FAM167A: variants seen among roughly 807,000 people sequenced by gnomAD.
The protein encoded by FAM167A is protein FAM167A.
In FAM167A, 23 loss-of-function variants were observed where a neutral mutation model predicts 14.9. The observed-to-expected ratio is 1.55, with a 90% confidence interval of 1.11 to 2.19. FAM167A has a LOEUF of 2.19. Ranked by LOEUF, FAM167A falls within the 30% of genes most tolerant of loss-of-function variation. FAM167A has a pLI of 0.00. For missense variants in FAM167A, 401 were observed against 281.5 expected, an observed-to-expected ratio of 1.42 and a Z score of -3.04; for synonymous variants, 174 against 117.7, an observed-to-expected ratio of 1.48 and a Z score of -3.10.
rs573176329 is a variant in FAM167A, at chr8:11,431,133, G to A, written c.382-6497C>T. 2.6e-5 allele frequency among the ~76,000 whole-genome samples: 4 copies of A among 152,322 alleles called. No individual in the cohort carries two copies. The East Asian group carries it at 5.8e-4, about 22-fold the overall frequency. The stretch of plus-strand genomic sequence containing the variant: ...CCACGTTCACAATCACCAATAGGCG[G>A]AACCAACCCAGTGCCCTCCACAGAT... On this transcript the variant is annotated intron_variant, in intron 2 of 2. Coordinates refer to ENST00000284486, the MANE Select transcript of FAM167A (RefSeq NM_053279.3).
chr8:11,448,076 C>G (rs28561410), intron 1 of FAM167A, among the ~76,000 whole-genome samples: 18,316 of 152,030 alleles, frequency 0.12, 1,254 homozygotes, highest in African/African-American at 0.18. Flanking sequence ...CGCCTGTAAT[C>G]CCAGCTACTT....
intron 2 of FAM167A, among the ~76,000 whole-genome samples, chr8:11,437,487 T>A (rs921189830): frequency 3.9e-5 from 6 of 152,242 alleles, no homozygotes; most frequent in Non-Finnish European, 4.4e-5. Flanking sequence ...GTTAATTGGT[T>A]TACCTAAAGG....
chr8:11,444,347 G>C lies in FAM167A; in HGVS notation c.65C>G (p.Pro22Arg). ...GAEEGAGAAA[P>R]PDDHLRSLKA... The stretch of plus-strand genomic sequence containing the variant: ...CAGGCTCCGGAGGTGGTCATCGGGT[G>C]GTGCGGCTGCTCCCGCCCCCTCTTC... Residue 22 changes from proline to arginine, a missense_variant, in exon 2 of 3, where the codon CCA becomes CGA. Coordinates refer to ENST00000284486, the MANE Select transcript of FAM167A (RefSeq NM_053279.3). The C allele has an allele frequency of 6.2e-7, 1 of 1,603,654 alleles. No individual in the cohort carries two copies. Among genetic ancestry groups the C allele is most frequent in the African/African-American group, 1.3e-5 (1 of 74,506 alleles).
At chr8:11,431,033 T>C (rs1210067863) in intron 2 of FAM167A, among the ~76,000 whole-genome samples, 1 of 152,112 alleles carries the variant, frequency 6.6e-6, no homozygotes, top group Non-Finnish European at 1.5e-5. Flanking sequence ...AGAATTACCA[T>C]ATGACATGGC....
intron 2 of FAM167A, among the ~76,000 whole-genome samples, chr8:11,434,366 G>A (rs1344108724): frequency 6.6e-6 from 1 of 152,144 alleles, no homozygotes; most frequent in African/African-American, 2.4e-5. Flanking sequence ...AGGGGGGCAG[G>A]TGCAATGGCT....
In FAM167A at chr8:11,423,060, C is replaced by T. The variant is rs768739280; in HGVS notation, c.*1313G>A. The T allele has an allele frequency of 2.0e-5, 3 of 152,626 alleles. No individual in the cohort carries two copies. Among genetic ancestry groups the T allele is most frequent in the Non-Finnish European group, 2.9e-5 (2 of 68,046 alleles). 9.5% of individuals were successfully genotyped at this position (152,626 alleles called of 1,614,324 possible). On this transcript the variant is annotated 3_prime_UTR_variant, in exon 3 of 3. Transcript: ENST00000284486. ...GTTTCACACATCAATATTCTATAGC[C>T]TAAACAGCTGTGCAACCTGAGGGAA...
In FAM167A at chr8:11,424,153, T is replaced by C; in HGVS notation, c.*220A>G. 1.7e-6 allele frequency: 1 copy of C among 575,026 alleles called. No homozygotes were observed. Among genetic ancestry groups the C allele is most frequent in the East Asian group, 3.0e-5 (1 of 33,174 alleles). 35.6% of individuals were successfully genotyped at this position (575,026 alleles called of 1,614,324 possible). A position where few individuals can be genotyped will look rare whatever the true frequency, so the allele number is the denominator to read the frequency against. On this transcript the variant is annotated 3_prime_UTR_variant, in exon 3 of 3. Coordinates refer to ENST00000284486, the MANE Select transcript of FAM167A (RefSeq NM_053279.3). ...TGGAGCGGCCCTTCTGCAGAGCTCT[T>C]TGGGTAGTAAGCAAGAGCCAGTCAC...
intron 2 of FAM167A, among the ~76,000 whole-genome samples, chr8:11,437,867 A>C (rs1806139411): frequency 6.7e-6 from 1 of 148,582 alleles, no homozygotes; most frequent in African/African-American, 2.6e-5. Flanking sequence ...TCTGGCTGCC[A>C]AGGAAGTGAG....
At position 11,466,677 on chromosome 8, in the gene FAM167A, T is replaced by G. The variant is rs1319683729; in HGVS notation, c.-449A>C. 1 of 152,324 alleles carries G rather than the reference T, an allele frequency of 6.6e-6. No homozygotes were observed. Among genetic ancestry groups the G allele is most frequent in the African/African-American group, 2.4e-5 (1 of 41,420 alleles). 9.4% of individuals were successfully genotyped at this position (152,324 alleles called of 1,614,324 possible). A position where few individuals can be genotyped will look rare whatever the true frequency, so the allele number is the denominator to read the frequency against. On this transcript the variant is annotated 5_prime_UTR_variant, in exon 1 of 3. Transcript: ENST00000284486. ...GGGACTCGCCGGTGTCCCCGCCGCC[T>G]CCTCCTGCGCGGGTCCGCGCTGCCC...
intron 2 of FAM167A, among the ~76,000 whole-genome samples, chr8:11,430,131 C>G (rs1257525266): frequency 6.6e-6 from 1 of 152,202 alleles, no homozygotes; most frequent in African/African-American, 2.4e-5. Flanking sequence ...GTGCCAATTT[C>G]CAGTCCCCGC....
At chr8:11,450,475 A>G (rs1409345426) in intron 1 of FAM167A, among the ~76,000 whole-genome samples, 1 of 152,192 alleles carries the variant, frequency 6.6e-6, no homozygotes, top group African/African-American at 2.4e-5. Flanking sequence ...GAAGCCACAG[A>G]GCTTATAAGT....
intron 1 of FAM167A, among the ~76,000 whole-genome samples, chr8:11,459,290 G>C (rs1169828543): frequency 1.3e-5 from 2 of 152,132 alleles, no homozygotes; most frequent in African/African-American, 4.8e-5. Flanking sequence ...GTCAGGGAAG[G>C]AACCACCATT....
chr8:11,464,498 G>T (rs889221730), intron 1 of FAM167A, among the ~76,000 whole-genome samples: 30 of 152,020 alleles, frequency 2.0e-4, no homozygotes, highest in African/African-American at 7.2e-4. Context: ...CTCAAGGTCT[G>T]TTTCAGTCTG....
intron 1 of FAM167A, among the ~76,000 whole-genome samples, chr8:11,453,285 G>T (rs904467078): frequency 6.6e-6 from 1 of 152,214 alleles, no homozygotes; most frequent in Non-Finnish European, 1.5e-5. Flanking sequence ...CTGATCTCCT[G>T]CCTCAGCCTC....
intron 1 of FAM167A, among the ~76,000 whole-genome samples, chr8:11,447,312 G>C (rs2117101257): frequency 6.6e-6 from 1 of 152,194 alleles, no homozygotes; most frequent in African/African-American, 2.4e-5. Context: ...CTCCCGAGTA[G>C]CTGGGGTTAC....
rs575848731 is a variant in FAM167A at position 11,448,643 on chromosome 8, T to C, written c.-397-3835A>G. Among the ~76,000 whole-genome samples, 16 of 152,338 alleles carry C rather than the reference T, an allele frequency of 1.1e-4. No homozygotes were observed. In the East Asian group the frequency reaches 2.3e-3, roughly 22 times the overall value. On this transcript the variant is annotated intron_variant, in intron 1 of 2. Coordinates refer to ENST00000284486, the MANE Select transcript of FAM167A (RefSeq NM_053279.3). ...CCCCAGATTTTCAGGTCTCAAAACT[T>C]AGTGGAGTCTGTTCTGCCATAGAAG...
chr8:11,461,184 G>A (rs150492672), intron 1 of FAM167A, among the ~76,000 whole-genome samples: 227 of 152,346 alleles, frequency 1.5e-3, no homozygotes, highest in African/African-American at 4.6e-3. Flanking sequence ...CTCTTGGGAC[G>A]CCCAGTCGCT....
In FAM167A at chr8:11,424,579, C is replaced by T. The variant is rs758382682; in HGVS notation, c.439G>A (p.Asp147Asn). Residue 147 changes from aspartate (D) to asparagine (N), a missense_variant, in exon 3 of 3, where the codon GAC becomes AAC. Physicochemically the swap from Asp to Asn is conservative, Grantham distance 23. Transcript: ENST00000284486. ...TGTTCGATTTTCAGCTTGTTGATGT[C>T]GCCACGCAGGCGCATGAGCTGTCTG... ...LARQLMRLRG[D>N]INKLKIEHTC... 1.6e-5 allele frequency: 26 copies of T among 1,613,934 alleles called. No individual in the cohort carries two copies. The highest frequency in any genetic ancestry group is 1.6e-4 in the Middle Eastern group (1 of 6,082).
intron 1 of FAM167A, chr8:11,445,334 C>T (rs1374556891): frequency 1.0e-6 from 1 of 986,152 alleles, no homozygotes; most frequent in Non-Finnish European, 1.2e-6. Context: ...CCTCCACCCA[C>T]CACAGGTCCT....
Sources: allele counts gnomAD v4.1 joint callset (sites outside exome capture counted in the v4.1 genomes callset), GRCh38; gene constraint gnomAD v4.1.1; transcripts MANE v1.5; gene names NCBI Gene and HGNC (gene_info 2026-07-23, HGNC 2026-07-21).